Variants in GGH observed in about 807,000 individuals in gnomAD.
The protein encoded by GGH is gamma-Glu-X carboxypeptidase.
Under a neutral mutation model 39.2 loss-of-function variants are expected in GGH, and 18 were observed. That is an observed-to-expected ratio of 0.46 (90% CI 0.32 to 0.68). The LOEUF (loss-of-function observed/expected upper bound fraction) is 0.68. Ranked by LOEUF, GGH falls within the 30% of genes least tolerant of loss-of-function variation. The pLI is 0.04. For missense variants in GGH, 367 were observed against 384.1 expected (o/e 0.96, Z 0.37); for synonymous variants, 147 against 138.8 (o/e 1.06, Z -0.42).
intron 4 of GGH, chr8:63,026,915 T>A: frequency 2.4e-6 from 1 of 417,330 alleles, no homozygotes; most frequent in Non-Finnish European, 4.2e-6. Context: ...TCAGAATGTC[T>A]ACACTACATG....
At chr8:63,017,403 T>G in intron 8 of GGH, 90 bp downstream of exon 8, 2 of 777,714 alleles carry the variant, frequency 2.6e-6, no homozygotes, top group Non-Finnish European at 4.2e-6. Flanking sequence ...ACAAAACATT[T>G]ATAGAGCAAA....
intron 8 of GGH, 190 bp downstream of exon 8, chr8:63,017,303 G>A: frequency 2.1e-6 from 1 of 482,646 alleles, no homozygotes; most frequent in Non-Finnish European, 3.6e-6. Flanking sequence ...TAACTGTCCT[G>A]GTTTTATTAG....
intron 8 of GGH, 97 bp from the exon 9 acceptor site, chr8:63,015,550 G>A (rs1804470535): frequency 1.5e-6 from 1 of 675,964 alleles, no homozygotes; most frequent in Non-Finnish European, 2.4e-6. Flanking sequence ...ATTATTAAGT[G>A]GGAAAATATC....
intron 3 of GGH, among the ~76,000 whole-genome samples, chr8:63,027,521 G>A (rs764546124): frequency 6.6e-6 from 1 of 152,134 alleles, no homozygotes; most frequent in African/African-American, 2.4e-5. Flanking sequence ...ATGAAATAGA[G>A]TGTGGGAAAA....
At chr8:63,034,225 TTAGA>T (rs928747510) in intron 2 of GGH, among the ~76,000 whole-genome samples, 7 of 151,626 alleles carry the variant, frequency 4.6e-5, no homozygotes, top group Non-Finnish European at 1.0e-4. Flanking sequence ...GTTTGAAAAA[TTAGA>T]TAGGCTACTA....
rs774592629 is a variant in GGH, at chr8:63,017,583, G to T, written c.745C>A (p.Pro249Thr). 50 of 1,605,732 alleles carry T rather than the reference G, an allele frequency of 3.1e-5. No homozygotes were observed. The East Asian group carries it at 9.8e-4, about 32-fold the overall frequency. Residue 249 changes from proline (P) to threonine (T), a missense_variant, in exon 8 of 9, where the codon CCT becomes ACT. Physicochemically the swap from Pro to Thr is conservative, Grantham distance 38 (BLOSUM62 -1). Transcript: ENST00000260118. ...CCATCCAAATTCTTCCACTCATAAG[G>T]TGCTTTCTCTGGATGCCACTGGACA... ...YGVQWHPEKA[P>T]YEWKNLDGIS...
In GGH at chr8:63,023,906, C is replaced by T. The variant is rs1299568174; in HGVS notation, c.697+1G>A. On this transcript the variant is annotated splice_donor_variant, in intron 7 of 8. Coordinates refer to ENST00000260118, the MANE Select transcript of GGH (RefSeq NM_003878.3). LOFTEE classifies it high-confidence loss of function. The stretch of plus-strand genomic sequence containing the variant: ...AAAGTATACATGTTATAGTGATATA[C>T]CTTCCATTGTTGAAATAAACTCAAT... 1.3e-6 allele frequency: 2 copies of T among 1,559,716 alleles called. No homozygotes were observed. The highest frequency in any genetic ancestry group is 2.3e-5 in the South Asian group (2 of 85,874).
At chr8:63,024,314 C>T in intron 5 of GGH, 128 bp from the exon 6 acceptor site, 2 of 595,394 alleles carry the variant, frequency 3.4e-6, no homozygotes, top group Non-Finnish European at 6.0e-6. Context: ...ATATGCAAAA[C>T]ACATCATTTC....
intron 7 of GGH, among the ~76,000 whole-genome samples, chr8:63,023,263 C>T (rs1000673791): frequency 1.3e-5 from 2 of 152,172 alleles, no homozygotes; most frequent in South Asian, 4.1e-4. Flanking sequence ...TCATTATAAA[C>T]ACTCAAGGCT....
chr8:63,017,746 A>T, intron 7 of GGH, 116 bp from the exon 8 acceptor site: 1 of 608,850 alleles, frequency 1.6e-6, no homozygotes, highest in Non-Finnish European at 2.8e-6. Flanking sequence ...AGACAAGGTA[A>T]AATTGTACAT....
intron 3 of GGH, among the ~76,000 whole-genome samples, chr8:63,027,562 A>G (rs1222450924): frequency 6.6e-6 from 1 of 152,200 alleles, no homozygotes; most frequent in African/African-American, 2.4e-5. Flanking sequence ...GAGGGGCAAG[A>G]GTACACAGAG....
intron 7 of GGH, among the ~76,000 whole-genome samples, chr8:63,021,669 C>CTTTTTTTTTTT (rs752057959): frequency 7.5e-5 from 7 of 93,314 alleles, no homozygotes; most frequent in South Asian, 4.6e-4. Context: ...ATCTCATATC[C>CTTTTTTTTTTT]TTTTTTTTTT....
At chr8:63,034,154 C>T (rs1006130329) in intron 2 of GGH, among the ~76,000 whole-genome samples, 8 of 151,418 alleles carry the variant, frequency 5.3e-5, no homozygotes, top group Non-Finnish European at 8.8e-5. Flanking sequence ...TCTGAAGACT[C>T]TCTGGAGCCT....
intron 7 of GGH, among the ~76,000 whole-genome samples, chr8:63,018,510 T>G (rs964280369): frequency 6.6e-6 from 1 of 152,230 alleles, no homozygotes; most frequent in Non-Finnish European, 1.5e-5. Context: ...CTCATCCCAG[T>G]AAGCTTTCTG....
At chr8:63,036,701 G>C (rs1476410646) in intron 1 of GGH, among the ~76,000 whole-genome samples, 1 of 152,142 alleles carries the variant, frequency 6.6e-6, no homozygotes, top group African/African-American at 2.4e-5. Flanking sequence ...TCATATATCT[G>C]GGAAAAGAGC....
rs139156393 is a variant in GGH, at chr8:63,026,380, A to G, written c.361-84T>C. 3.5e-5 allele frequency: 34 copies of G among 972,750 alleles called. No individual in the cohort carries two copies. The East Asian group carries it at 8.7e-4, about 25-fold the overall frequency. The allele number at this position is 972,750 out of a possible 1,614,324, so 60.3% of individuals were successfully genotyped here. A position where few individuals can be genotyped will look rare whatever the true frequency, so the allele number is the denominator to read the frequency against. The stretch of plus-strand genomic sequence containing the variant: ...GCCATATCTTTTGTCATAACCAAAT[A>G]GGCACCTGAGTTACACATGGATTTC... On this transcript the variant is annotated intron_variant, in intron 4 of 8. Coordinates refer to ENST00000260118, the MANE Select transcript of GGH (RefSeq NM_003878.3).
intron 5 of GGH, 39 bp downstream of exon 5, chr8:63,026,119 A>G: frequency 1.3e-6 from 2 of 1,508,998 alleles, no homozygotes; most frequent in Non-Finnish European, 1.8e-6. Context: ...AATCCTGCCC[A>G]GCAAATATTT....
intron 7 of GGH, among the ~76,000 whole-genome samples, chr8:63,023,064 C>CT (rs1384252671): frequency 4.6e-5 from 7 of 152,176 alleles, no homozygotes; most frequent in Non-Finnish European, 8.8e-5. Flanking sequence ...TTCCTTCAAA[C>CT]TTCATATGTT....
At chr8:63,024,026 T>C (rs1334757682) in intron 6 of GGH, 29 bp from the exon 7 acceptor site, 9 of 1,546,968 alleles carry the variant, frequency 5.8e-6, no homozygotes, top group African/African-American at 1.4e-5. Context: ...ACAAAATGAT[T>C]ACTTCTGCAG....
Sources: gnomAD v4.1 joint callset for allele counts (sites outside exome capture counted in the v4.1 genomes callset) on GRCh38, gnomAD v4.1.1 for gene constraint, MANE v1.5 for transcripts, NCBI Gene and HGNC (gene_info 2026-07-23, HGNC 2026-07-21) for gene names.